OPHN1: variants seen among roughly 807,000 people sequenced by gnomAD.
OPHN1 encodes oligophrenin-1.
Under a neutral mutation model 60.7 loss-of-function variants are expected in OPHN1, and 11 were observed. That is an observed-to-expected ratio of 0.18 (90% CI 0.11 to 0.30). OPHN1 has a LOEUF of 0.30. Among genes scored for constraint, OPHN1 ranks in the 10% least tolerant of loss-of-function variants. The pLI is 1.00. For synonymous variants in OPHN1, 226 were observed against 222.6 expected, an observed-to-expected ratio of 1.02 and a Z score of -0.14; for missense variants, 449 against 611.0, an observed-to-expected ratio of 0.73 and a Z score of 2.80.
chrX:68,287,638 G>A (rs2078051327), intron 3 of OPHN1, among the ~76,000 whole-genome samples: 2 of 111,881 alleles, frequency 1.8e-5, no homozygotes, highest in South Asian at 7.5e-4. Flanking sequence ...CTGCTAGAAT[G>A]GTGGTTTGCA....
At chrX:68,133,522 CA>C (rs1232771757) in intron 15 of OPHN1, 2 of 453,203 alleles carry the variant, frequency 4.4e-6, no homozygotes, top group African/African-American at 4.8e-5. Flanking sequence ...TTTGACAACA[CA>C]TTTCAGCTTC....
chrX:68,178,726 A>G (rs2077424486), intron 15 of OPHN1, among the ~76,000 whole-genome samples: 1 of 111,828 alleles, frequency 8.9e-6, no homozygotes, highest in African/African-American at 3.2e-5. Context: ...TGAATTCACT[A>G]TACTGTTTTC....
Position 68,344,440 on chromosome X carries a change from C to T in OPHN1, c.155-45344G>A, listed in dbSNP as rs543131564. ...CAGCCTGGCCGACATGGTGAAACCC[C>T]ACCTTTACAAAAATTACAAAAATTA... On this transcript the variant is annotated intron_variant, in intron 2 of 24. Coordinates refer to ENST00000355520, the MANE Select transcript of OPHN1 (RefSeq NM_002547.3). 2.1e-4 allele frequency among the ~76,000 whole-genome samples: 23 copies of T among 109,535 alleles called. No individual in the cohort carries two copies. The South Asian group carries it at 8.2e-3, about 39-fold the overall frequency.
chrX:68,202,523 G>A (rs763313517), intron 10 of OPHN1, among the ~76,000 whole-genome samples: 2 of 108,200 alleles, frequency 1.8e-5, no homozygotes, highest in Non-Finnish European at 3.8e-5. Context: ...TTTTTGAGAC[G>A]TAGTCTTGCT....
At chrX:68,351,545 C>T (rs1306205410) in intron 2 of OPHN1, among the ~76,000 whole-genome samples, 2 of 111,832 alleles carry the variant, frequency 1.8e-5, no homozygotes, top group African/African-American at 3.2e-5. Context: ...GTCACCAAAG[C>T]ACAGCTGGTT....
At chrX:68,294,129 C>T (rs983322475) in intron 3 of OPHN1, among the ~76,000 whole-genome samples, 6 of 110,712 alleles carry the variant, frequency 5.4e-5, no homozygotes, top group African/African-American at 9.9e-5. Flanking sequence ...TTAGTGGACA[C>T]GCTACCTATT....
intron 5 of OPHN1, among the ~76,000 whole-genome samples, chrX:68,243,234 T>A (rs1431616320): frequency 9.1e-6 from 1 of 109,727 alleles, no homozygotes; most frequent in Non-Finnish European, 1.9e-5. Flanking sequence ...AAATGGGGAG[T>A]CATTCCTTAC....
At chrX:68,192,026 T>G (rs1362263922) in intron 15 of OPHN1, among the ~76,000 whole-genome samples, 1 of 110,113 alleles carries the variant, frequency 9.1e-6, no homozygotes, top group Non-Finnish European at 1.9e-5. Flanking sequence ...CAAGAAATGT[T>G]TTTTAAGAAA....
At chrX:68,114,437 C>T (rs1160807918) in intron 16 of OPHN1, among the ~76,000 whole-genome samples, 2 of 110,718 alleles carry the variant, frequency 1.8e-5, no homozygotes, top group Non-Finnish European at 3.8e-5. Context: ...ACTGTTGTTA[C>T]TGTAGTAATC....
chrX:68,307,031 C>A (rs186642739), intron 2 of OPHN1, among the ~76,000 whole-genome samples: 56 of 111,635 alleles, frequency 5.0e-4, no homozygotes, highest in East Asian at 5.6e-4. Flanking sequence ...GCCCCAAAAT[C>A]CACTTTAATA....
At chrX:68,342,975 A>G (rs1046802542) in intron 2 of OPHN1, among the ~76,000 whole-genome samples, 1 of 110,329 alleles carries the variant, frequency 9.1e-6, no homozygotes, top group Admixed American at 9.7e-5. Flanking sequence ...AGAAAGAAGA[A>G]CGAAGAAGAA....
At chrX:68,233,215 A>T (rs188182980) in intron 6 of OPHN1, among the ~76,000 whole-genome samples, 13 of 111,810 alleles carry the variant, frequency 1.2e-4, no homozygotes, top group Non-Finnish European at 2.3e-4. Flanking sequence ...GGCATGAGCC[A>T]CTGCACTCGG....
At position 68,042,900 on chromosome X, in the gene OPHN1, T is replaced by G. The variant is rs1161885239; in HGVS notation, c.*4272A>C. The G allele has an allele frequency of 2.2e-4, 5 of 22,617 alleles. No individual in the cohort carries two copies. The highest frequency in any genetic ancestry group is 3.9e-4 in the Non-Finnish European group (5 of 12,663). 1.9% of individuals were successfully genotyped at this position (22,617 alleles called of 1,213,427 possible). ...ATACCCAAATGAGTATAAATCATGC[T>G]GCTATAAAGACACATGCACACGTAT... On this transcript the variant is annotated 3_prime_UTR_variant, in exon 25 of 25. Transcript: ENST00000355520.
chrX:68,390,390 G>T (rs2078647749), intron 2 of OPHN1, among the ~76,000 whole-genome samples: 2 of 111,300 alleles, frequency 1.8e-5, no homozygotes, highest in South Asian at 3.8e-4. Flanking sequence ...CTTGAGCTCA[G>T]GTGTTTGAGA....
At chrX:68,244,659 G>A (rs973240553) in intron 5 of OPHN1, among the ~76,000 whole-genome samples, 2 of 112,267 alleles carry the variant, frequency 1.8e-5, no homozygotes, top group Non-Finnish European at 3.8e-5. Context: ...TACATATTCT[G>A]AGTTAACTTT....
rs747803719 is a variant in OPHN1, at chrX:68,235,394, C to A, written c.385-806G>T. 2.4e-4 allele frequency among the ~76,000 whole-genome samples: 27 copies of A among 111,416 alleles called. No individual in the cohort carries two copies. The East Asian group carries it at 7.6e-3, about 32-fold the overall frequency. ...CTGTCTCATGCGAAATCCAAAATCA[C>A]TGAGCACCTGCAATGTGCCAGGTAG... On this transcript the variant is annotated intron_variant, in intron 5 of 24. Coordinates refer to ENST00000355520, the MANE Select transcript of OPHN1 (RefSeq NM_002547.3).
intron 2 of OPHN1, among the ~76,000 whole-genome samples, chrX:68,379,213 C>T (rs1460953833): frequency 9.0e-6 from 1 of 111,003 alleles, no homozygotes; most frequent in Non-Finnish European, 1.9e-5. Flanking sequence ...TGGGAGTTCA[C>T]TCATGATTTG....
At chrX:68,234,772 T>G (rs1279283486) in intron 5 of OPHN1, among the ~76,000 whole-genome samples, 184 bp from the exon 6 acceptor site, 1 of 112,217 alleles carries the variant, frequency 8.9e-6, no homozygotes, top group Admixed American at 9.5e-5. Context: ...TCCTGAAATA[T>G]AACCCCAAAC....
chrX:68,394,962 T>A (rs5919547), intron 2 of OPHN1, among the ~76,000 whole-genome samples: 65,608 of 104,625 alleles, frequency 0.63, 18,168 homozygotes, highest in East Asian at 0.88. Flanking sequence ...TTTATTAATT[T>A]ATTTATTTAT....
Sources: allele counts gnomAD v4.1 joint callset (sites outside exome capture counted in the v4.1 genomes callset), GRCh38; gene constraint gnomAD v4.1.1; transcripts MANE v1.5; gene names NCBI Gene and HGNC (gene_info 2026-07-23, HGNC 2026-07-21).